LANCL3: variants seen among roughly 807,000 people sequenced by gnomAD.
LANCL3 encodes the protein lanC-like protein 3.
Under a neutral mutation model 26.5 loss-of-function variants are expected in LANCL3, and 19 were observed. The ratio of observed to expected loss-of-function variants is 0.72; its 90% CI spans 0.50 to 1.05. The LOEUF (loss-of-function observed/expected upper bound fraction) is 1.05. Ranked by LOEUF, LANCL3 falls within the 50% of genes least tolerant of loss-of-function variation. LANCL3 has a pLI of 0.00. For missense variants in LANCL3, 318 were observed against 362.7 expected (o/e 0.88, Z 1.00); for synonymous variants, 160 against 166.6 (o/e 0.96, Z 0.30).
At chrX:37,667,147 AC>A (rs1290913905) in intron 3 of LANCL3, 134 bp from the exon 4 acceptor site, 1 of 319,110 alleles carries the variant, frequency 3.1e-6, no homozygotes, top group Non-Finnish European at 5.3e-6. Flanking sequence ...CTCAGGGCCC[AC>A]ATCAGAACTA....
At chrX:37,617,661 G>C (rs1925045401) in intron 1 of LANCL3, among the ~76,000 whole-genome samples, 1 of 111,453 alleles carries the variant, frequency 9.0e-6, no homozygotes, top group Non-Finnish European at 1.9e-5. Context: ...AATATTCCAG[G>C]AGGATAGAGC....
chrX:37,664,268 G>T (rs1926487362), intron 3 of LANCL3, among the ~76,000 whole-genome samples: 1 of 111,496 alleles, frequency 9.0e-6, no homozygotes, highest in Admixed American at 9.5e-5. Flanking sequence ...TACCAAGTGT[G>T]TGCTAGGGGC....
rs911461574 is a variant in LANCL3 at position 37,680,906 on chromosome X, G to A, written c.*5093G>A. 1 of 111,428 alleles carries A rather than the reference G, an allele frequency of 9.0e-6. No homozygotes were observed. Among genetic ancestry groups the A allele is most frequent in the African/African-American group, 3.3e-5 (1 of 30,643 alleles). The allele number at this position is 111,428 out of a possible 1,213,427, so 9.2% of individuals were successfully genotyped here. On this transcript the variant is annotated 3_prime_UTR_variant, in exon 5 of 5. Coordinates refer to ENST00000378619, the MANE Select transcript of LANCL3 (RefSeq NM_001170331.2). ...GACTGACTTAAGGAGAGTCAATATC[G>A]CATATGAATCAAAAGCCAACATTTA...
chrX:37,660,460 A>G (rs1404564831), intron 3 of LANCL3, among the ~76,000 whole-genome samples: 1 of 111,816 alleles, frequency 8.9e-6, no homozygotes, highest in Admixed American at 9.5e-5. Flanking sequence ...AATTTAGCAA[A>G]CCCTATCTTT....
intron 4 of LANCL3, 115 bp downstream of exon 4, chrX:37,667,604 G>C: frequency 1.9e-6 from 1 of 532,647 alleles, no homozygotes; most frequent in Middle Eastern, 6.2e-4. Context: ...CATCAACTGT[G>C]CCTTGTAGCC....
At chrX:37,636,888 A>T (rs1556425406) in intron 1 of LANCL3, among the ~76,000 whole-genome samples, 2 of 112,371 alleles carry the variant, frequency 1.8e-5, no homozygotes, top group African/African-American at 6.5e-5. Flanking sequence ...GCATATATTG[A>T]AATAATAGTT....
intron 3 of LANCL3, among the ~76,000 whole-genome samples, chrX:37,661,538 C>T (rs2146786068): frequency 9.0e-6 from 1 of 110,865 alleles, no homozygotes; most frequent in South Asian, 4.0e-4. Context: ...CAACCCCTAT[C>T]CCCACCTCAA....
chrX:37,593,856 A>G (rs1385398992), intron 1 of LANCL3, among the ~76,000 whole-genome samples: 1 of 112,406 alleles, frequency 8.9e-6, no homozygotes, highest in Non-Finnish European at 1.9e-5. Context: ...TTTTGTCAGC[A>G]AACATTTCCC....
At chrX:37,609,000 A>T (rs1924787949) in intron 1 of LANCL3, among the ~76,000 whole-genome samples, 1 of 112,385 alleles carries the variant, frequency 8.9e-6, no homozygotes, top group Non-Finnish European at 1.9e-5. Flanking sequence ...AGTCTAAAAA[A>T]CAAATTCCCA....
intron 1 of LANCL3, among the ~76,000 whole-genome samples, chrX:37,602,348 G>C (rs1280165202): frequency 9.0e-6 from 1 of 111,515 alleles, no homozygotes; most frequent in Admixed American, 9.5e-5. Context: ...TGTGTTGTCA[G>C]CTTAATGAAT....
In LANCL3 at chrX:37,643,426, TGTAAGA is replaced by T. The variant is rs372775855; in HGVS notation, c.574-12261_574-12256del. ...GACTTGAATCATAAAATGCTATATG[TGTAAGA>T]CACATTAAAGACCGCCTCAGCCTGA... On this transcript the variant is annotated intron_variant, in intron 1 of 4. Transcript: ENST00000378619. 1.6e-3 allele frequency among the ~76,000 whole-genome samples: 179 copies of T among 112,313 alleles called. 1 individual carries two copies. Among genetic ancestry groups the T allele is most frequent in the African/African-American group, 5.4e-3 (166 of 30,937 alleles).
chrX:37,592,518 T>A (rs1556419105), intron 1 of LANCL3, among the ~76,000 whole-genome samples: 1 of 112,046 alleles, frequency 8.9e-6, no homozygotes, highest in Non-Finnish European at 1.9e-5. Flanking sequence ...AAATCTATAA[T>A]TAATATTGTC....
intron 1 of LANCL3, among the ~76,000 whole-genome samples, chrX:37,642,837 C>T (rs375489689): frequency 7.8e-4 from 87 of 112,047 alleles, no homozygotes; most frequent in African/African-American, 2.7e-3. Flanking sequence ...AAAGAGATGT[C>T]GCTAACTAAT....
Position 37,655,688 on chromosome X carries a change from G to T in LANCL3, c.574G>T (p.Val192Leu), listed in dbSNP as rs1389470949. The T allele has an allele frequency of 2.5e-6, 3 of 1,195,987 alleles. No individual in the cohort carries two copies. The highest frequency in any genetic ancestry group is 3.4e-6 in the Non-Finnish European group (3 of 888,935). Residue 192 changes from valine to leucine, a missense_variant and splice_region_variant, in exon 2 of 5, where the codon GTG becomes TTG. Physicochemically the swap from Val to Leu is conservative, Grantham distance 32. Transcript: ENST00000378619. Reference protein sequence around the residue: ...LVLKQKLAQEVLTPAQIKSIC... With the variant: ...LVLKQKLAQELLTPAQIKSIC... ...TCTACTTCTGGATTTCCTTATTCAG[G>T]TGCTGACTCCAGCACAGATCAAGTC...
intron 2 of LANCL3, 130 bp downstream of exon 2, chrX:37,655,941 T>C (rs1926273514): frequency 1.8e-6 from 1 of 546,843 alleles, no homozygotes; most frequent in Admixed American, 4.1e-5. Flanking sequence ...CTTTAAAATT[T>C]TCTTTAAAAA....
In LANCL3 at chrX:37,597,668, C is replaced by CT. The variant is rs57097813; in HGVS notation, c.573+25253dup. 9.7e-3 allele frequency among the ~76,000 whole-genome samples: 773 copies of CT among 79,784 alleles called. 76 individuals carry two copies. Among genetic ancestry groups the CT allele is most frequent in the Admixed American group, 0.012 (79 of 6,744 alleles). The allele number at this position is 79,784 out of a possible 115,157, so 69.3% of individuals were successfully genotyped here. On this transcript the variant is annotated intron_variant, in intron 1 of 4. Transcript: ENST00000378619. ...AGCTGGAACTACAGGCACACGCCAC[C>CT]TTTTTTTTTTTTTTTTTTTTTTTTT...
In LANCL3 at chrX:37,572,371, C is replaced by G; in HGVS notation, c.501C>G (p.Ser167=). 1.7e-6 allele frequency: 2 copies of G among 1,170,226 alleles called. No homozygotes were observed. The highest frequency in any genetic ancestry group is 2.3e-4 in the Middle Eastern group (1 of 4,291). Residue 167 remains serine (S), a synonymous_variant, in exon 1 of 5, where the codon TCC becomes TCG. Transcript: ENST00000378619. The part of the protein sequence containing the change: ...CAPVSFLECG[S]DELFVGRAGY... ...CGGTCTCCTTCCTGGAGTGCGGCTC[C>G]GACGAGCTGTTCGTGGGCCGCGCGG...
intron 3 of LANCL3, among the ~76,000 whole-genome samples, chrX:37,663,022 G>C (rs1161509544): frequency 2.7e-5 from 3 of 111,356 alleles, no homozygotes; most frequent in Middle Eastern, 4.3e-3. Flanking sequence ...CTCATGGCCT[G>C]GTACAGCAAT....
intron 1 of LANCL3, among the ~76,000 whole-genome samples, chrX:37,601,807 A>G (rs1332710860): frequency 1.8e-5 from 2 of 111,953 alleles, no homozygotes; most frequent in Non-Finnish European, 3.8e-5. Context: ...ATAAATCTCC[A>G]GCAAATTTCT....
Sources: allele counts gnomAD v4.1 joint callset (sites outside exome capture counted in the v4.1 genomes callset), GRCh38; gene constraint gnomAD v4.1.1; transcripts MANE v1.5; gene names NCBI Gene and HGNC (gene_info 2026-07-23, HGNC 2026-07-21).